SPARCL1: variants seen among roughly 807,000 people sequenced by gnomAD.
SPARCL1 encodes SPARC-like protein 1.
SPARCL1 carries 52 observed loss-of-function variants against 67.1 expected under a neutral mutation model. That is an observed-to-expected ratio of 0.78 (90% CI 0.62 to 0.98). The LOEUF (loss-of-function observed/expected upper bound fraction) is 0.98, where lower values mean the gene tolerates loss of function less well. Among genes scored for constraint, SPARCL1 ranks in the 50% least tolerant of loss-of-function variants. The pLI, the probability that SPARCL1 is intolerant of heterozygous loss-of-function variation, is 0.00. For synonymous variants in SPARCL1, 226 were observed against 267.8 expected, an observed-to-expected ratio of 0.84 and a Z score of 1.52; for missense variants, 717 against 782.4, an observed-to-expected ratio of 0.92 and a Z score of 1.00.
chr4:87,517,641 T>C (rs1330895557), intron 1 of SPARCL1, among the ~76,000 whole-genome samples: 1 of 152,212 alleles, frequency 6.6e-6, no homozygotes, highest in African/African-American at 2.4e-5. Flanking sequence ...TATTTGAATT[T>C]CCCTTATTAG....
rs117593217 is a variant in SPARCL1 at position 87,498,604 on chromosome 4, A to G, written c.54+917T>C. 1.1e-4 allele frequency among the ~76,000 whole-genome samples: 17 copies of G among 152,298 alleles called. No homozygotes were observed. In the East Asian group the frequency reaches 3.3e-3, roughly 29 times the overall value. ...TTTTGAGGCCACTGACACGGTTTCA[A>G]ATGATCTGATTTGTGTACAGCTGCT... On this transcript the variant is annotated intron_variant, in intron 2 of 10. Coordinates refer to ENST00000282470, the MANE Select transcript of SPARCL1 (RefSeq NM_004684.6).
chr4:87,514,455 T>A (rs1158453552), intron 1 of SPARCL1, among the ~76,000 whole-genome samples: 1 of 152,164 alleles, frequency 6.6e-6, no homozygotes, highest in Non-Finnish European at 1.5e-5. Context: ...TTTAAGAGTT[T>A]TTTTCCATCC....
At position 87,489,162 on chromosome 4, in the gene SPARCL1, C is replaced by T. The variant is rs551079033; in HGVS notation, c.1531+1111G>A. On this transcript the variant is annotated intron_variant, in intron 7 of 10. Coordinates refer to ENST00000282470, the MANE Select transcript of SPARCL1 (RefSeq NM_004684.6). ...TGGAAAAAAACTCCTGTAGCTAGCT[C>T]GGTGTCTGCCCAAATGGTGGCCCAG... 9.9e-4 allele frequency among the ~76,000 whole-genome samples: 151 copies of T among 152,278 alleles called. 1 individual carries two copies. Among genetic ancestry groups the T allele is most frequent in the Admixed American group, 1.5e-3 (23 of 15,302 alleles).
intron 1 of SPARCL1, among the ~76,000 whole-genome samples, chr4:87,517,265 G>T (rs1268020319): frequency 6.6e-6 from 1 of 152,044 alleles, no homozygotes; most frequent in Admixed American, 6.6e-5. Flanking sequence ...CCTCACTTGT[G>T]CAGCCTCCAT....
chr4:87,482,367 T>C (rs559592426), intron 8 of SPARCL1, 57 bp downstream of exon 8: 6 of 1,591,014 alleles, frequency 3.8e-6, no homozygotes, highest in Non-Finnish European at 5.1e-6. Context: ...CCACCACGTC[T>C]TTCTTCCTCA....
chr4:87,488,587 G>A (rs758052726), intron 7 of SPARCL1, among the ~76,000 whole-genome samples: 1 of 152,234 alleles, frequency 6.6e-6, no homozygotes, highest in Non-Finnish European at 1.5e-5. Context: ...ACCCACTTGA[G>A]GAGGCAGTCT....
chr4:87,479,195 G>A (rs1723703598), intron 10 of SPARCL1, among the ~76,000 whole-genome samples: 1 of 152,214 alleles, frequency 6.6e-6, no homozygotes, highest in South Asian at 2.1e-4. Flanking sequence ...TGACTGTTGA[G>A]ACCTCAATGC....
chr4:87,523,272 A>AG (rs1218656364), intron 1 of SPARCL1, among the ~76,000 whole-genome samples: 2 of 151,850 alleles, frequency 1.3e-5, no homozygotes, highest in African/African-American at 4.8e-5. Context: ...AAAAAAAAAA[A>AG]AATCTCAAGC....
intron 1 of SPARCL1, among the ~76,000 whole-genome samples, chr4:87,510,988 T>C (rs1725328316): frequency 6.6e-6 from 1 of 152,242 alleles, no homozygotes; most frequent in Non-Finnish European, 1.5e-5. Context: ...CTCGCTCAGG[T>C]TCCTGCAGTC....
intron 9 of SPARCL1, 98 bp from the exon 10 acceptor site, chr4:87,479,676 T>C (rs1161143740): frequency 8.8e-7 from 1 of 1,134,684 alleles, no homozygotes; most frequent in African/African-American, 1.6e-5. Context: ...ATAAGGTTGC[T>C]GTATATGTGA....
rs777049103 is a variant in SPARCL1, at chr4:87,480,429, A to G, written c.1760T>C (p.Met587Thr). The change falls in exon 9 of 11, where the codon ATG becomes ACG. Residue 587 changes from methionine to threonine, a missense_variant. Coordinates refer to ENST00000282470, the MANE Select transcript of SPARCL1 (RefSeq NM_004684.6). ...LLRDFKKNYH[M>T]YVYPVHWQFS... Reference sequence around the variant, plus strand: ...CTGCCAGTGCACAGGATACACATACATGTGGTAGTTTTTCTTAAAGTCCCT... The same window carrying G: ...CTGCCAGTGCACAGGATACACATACGTGTGGTAGTTTTTCTTAAAGTCCCT... 1 of 1,613,476 alleles carries G rather than the reference A, an allele frequency of 6.2e-7. No homozygotes were observed. The highest frequency in any genetic ancestry group is 1.1e-5 in the South Asian group (1 of 90,938).
chr4:87,526,702 T>C (rs1344541451), intron 1 of SPARCL1, among the ~76,000 whole-genome samples: 1 of 152,198 alleles, frequency 6.6e-6, no homozygotes, highest in African/African-American at 2.4e-5. Flanking sequence ...CATTCATATT[T>C]TATTATAGAG....
At chr4:87,516,818 C>T (rs1037137675) in intron 1 of SPARCL1, among the ~76,000 whole-genome samples, 6 of 152,186 alleles carry the variant, frequency 3.9e-5, no homozygotes, top group African/African-American at 1.4e-4. Context: ...ATCCCCCAGG[C>T]TTATCTTACC....
chr4:87,489,397 G>A (rs571027250), intron 7 of SPARCL1, among the ~76,000 whole-genome samples: 56 of 152,244 alleles, frequency 3.7e-4, no homozygotes, highest in Middle Eastern at 3.4e-3. Context: ...ACCCTACTTT[G>A]GCTCCCCCTC....
chr4:87,493,822 A>G lies in SPARCL1; in HGVS notation c.978T>C (p.Asp326=), dbSNP rs770410128. The change falls in exon 4 of 11, where the codon GAT becomes GAC. Residue 326 remains aspartate (D), a synonymous_variant. Transcript: ENST00000282470. ...VSEALLMEPT[D]DGNTTPRNHG... ...GATTTCTGGGCGTGGTATTACCATC[A>G]TCAGTAGGTTCCATGAGCAGAGCCT... The G allele has an allele frequency of 1.5e-5, 25 of 1,613,996 alleles. No homozygotes were observed. The highest frequency in any genetic ancestry group is 2.7e-5 in the African/African-American group (2 of 74,898).
At chr4:87,503,720 C>T (rs531178004) in intron 1 of SPARCL1, among the ~76,000 whole-genome samples, 54 of 147,068 alleles carry the variant, frequency 3.7e-4, no homozygotes, top group African/African-American at 1.3e-3. Context: ...GCTCTGTTGC[C>T]CAGGCTGGAG....
In SPARCL1 at chr4:87,480,506, G is replaced by C. The variant is rs1360689776; in HGVS notation, c.1683C>G (p.Tyr561Ter). The change falls in exon 9 of 11, where the codon TAC (tyrosine) becomes TAG (stop). Residue 561 changes from tyrosine to a stop codon, truncating the protein, a stop_gained. Coordinates refer to ENST00000282470, the MANE Select transcript of SPARCL1 (RefSeq NM_004684.6). LOFTEE classifies it high-confidence loss of function. ...CAGCCAAAAGCCTCTTTTCATCCAG[G>C]TAAATTTTCTTGACCTGGGATTAGG... ...EKQRNKVKKI[Y>*]LDEKRLLAGD... 1 of 1,608,532 alleles carries C rather than the reference G, an allele frequency of 6.2e-7. No individual in the cohort carries two copies. The highest frequency in any genetic ancestry group is 1.3e-5 in the African/African-American group (1 of 74,566).
chr4:87,475,304 C>T (rs1207009652), intron 10 of SPARCL1, among the ~76,000 whole-genome samples: 3 of 152,164 alleles, frequency 2.0e-5, no homozygotes, highest in Non-Finnish European at 4.4e-5. Flanking sequence ...TCTTTGACAT[C>T]TCAGTCGCAT....
rs954878521 is a variant in SPARCL1, at chr4:87,474,575, T to G, written c.1967-772A>C. ...CTCTACCTATGCTCAAGATCTCTTC[T>G]GACCTTCACAAGATTCTCCTTTTAC... is the stretch of plus-strand genomic sequence containing the variant. On this transcript the variant is annotated intron_variant, in intron 10 of 10. Transcript: ENST00000282470. 3.3e-5 allele frequency among the ~76,000 whole-genome samples: 5 copies of G among 152,194 alleles called. No individual in the cohort carries two copies. In the South Asian group the frequency reaches 1.0e-3, roughly 32 times the overall value.
Sources: gnomAD v4.1 joint callset for allele counts (sites outside exome capture counted in the v4.1 genomes callset) on GRCh38, gnomAD v4.1.1 for gene constraint, MANE v1.5 for transcripts, NCBI Gene and HGNC (gene_info 2026-07-23, HGNC 2026-07-21) for gene names.